The following FYB2 variants were observed in gnomAD, a reference collection of about 807,000 sequenced individuals.
FYB2 encodes the protein FYN-binding protein 2.
Under a neutral mutation model 94.1 loss-of-function variants are expected in FYB2, and 103 were observed. The observed-to-expected ratio is 1.09, with a 90% CI of 0.93 to 1.29. The LOEUF is 1.29. FYB2 is among the 50% of genes most tolerant of loss of function. FYB2 has a pLI of 0.00. For missense variants in FYB2, 896 were observed against 841.5 expected, an observed-to-expected ratio of 1.06 and a Z score of -0.80; for synonymous variants, 293 against 287.9, an observed-to-expected ratio of 1.02 and a Z score of -0.18.
In FYB2 at chr1:56,753,861, G is replaced by A; in HGVS notation, c.1205C>T (p.Pro402Leu). 1 of 1,609,372 alleles carries A rather than the reference G, an allele frequency of 6.2e-7. No homozygotes were observed. Among genetic ancestry groups the A allele is most frequent in the Non-Finnish European group, 8.5e-7 (1 of 1,176,288 alleles). ...ELKPKNTEKE[P>L]YSNHVFKVDA... ...TACCTTGAAAACATGGTTTGAATAT[G>A]GTTCCTTTTCTGTGTTTTTAGGTTT... Residue 402 changes from proline (P) to leucine (L), a missense_variant, in exon 8 of 20, where the codon CCA (proline) becomes CTA (leucine). By Grantham distance (98) the Pro-to-Leu change is moderately conservative. Coordinates refer to ENST00000343433, the MANE Select transcript of FYB2 (RefSeq NM_001004303.5).
chr1:56,744,411 C>A (rs1481411536), intron 9 of FYB2, 145 bp from the exon 10 acceptor site: 7 of 626,978 alleles, frequency 1.1e-5, no homozygotes, highest in Non-Finnish European at 2.0e-5. Flanking sequence ...TATGTATGAT[C>A]CTTGGGCAAG....
At chr1:56,720,470 A>C in intron 17 of FYB2, 141 bp from the exon 18 acceptor site, 1 of 666,310 alleles carries the variant, frequency 1.5e-6, no homozygotes, top group Non-Finnish European at 2.2e-6. Flanking sequence ...CAGGAAGAGA[A>C]AATAGGAAAG....
intron 4 of FYB2, among the ~76,000 whole-genome samples, chr1:56,772,636 G>A (rs557834505): frequency 2.0e-5 from 3 of 152,258 alleles, no homozygotes; most frequent in East Asian, 3.9e-4. Context: ...CACAGAATAT[G>A]AGACAGACCT....
chr1:56,787,030 C>G (rs1465641915), intron 4 of FYB2, 145 bp downstream of exon 4: 3 of 844,422 alleles, frequency 3.6e-6, no homozygotes, highest in Non-Finnish European at 5.8e-6. Flanking sequence ...ACAAAAGTTA[C>G]ACTTTGTTGC....
intron 1 of FYB2, among the ~76,000 whole-genome samples, chr1:56,815,323 GA>G (rs1372663592): frequency 6.6e-6 from 1 of 152,080 alleles, no homozygotes; most frequent in Admixed American, 6.6e-5. Context: ...AGCCCAGGAT[GA>G]ACCCCACCCC....
rs1644442988 is a variant in FYB2, at chr1:56,719,369, A to ACTT, written c.*299_*301dup. ...TAGGTGCCATAAGGCATGATTTCTA[A>ACTT]CTTTGGATATGGCTCATTAAATAAG... On this transcript the variant is annotated 3_prime_UTR_variant, in exon 20 of 20. Coordinates refer to ENST00000343433, the MANE Select transcript of FYB2 (RefSeq NM_001004303.5). 1 of 295,464 alleles carries ACTT rather than the reference A, an allele frequency of 3.4e-6. No individual in the cohort carries two copies. The highest frequency in any genetic ancestry group is 6.3e-6 in the Non-Finnish European group (1 of 159,186). The allele number at this position is 295,464 out of a possible 1,614,324, so 18.3% of individuals were successfully genotyped here.
intron 9 of FYB2, among the ~76,000 whole-genome samples, chr1:56,747,651 C>CT (rs1645100277): frequency 6.6e-6 from 1 of 151,940 alleles, no homozygotes; most frequent in African/African-American, 2.4e-5. Flanking sequence ...TTTATCCAGT[C>CT]TATCATTGAT....
intron 4 of FYB2, among the ~76,000 whole-genome samples, chr1:56,776,736 G>A (rs957719804): frequency 1.3e-5 from 2 of 152,240 alleles, no homozygotes; most frequent in Middle Eastern, 6.8e-3. Flanking sequence ...TAGGAGCCTG[G>A]TCTCCTGACT....
intron 4 of FYB2, among the ~76,000 whole-genome samples, chr1:56,782,725 AAG>A (rs1364837677): frequency 6.6e-6 from 1 of 152,116 alleles, no homozygotes; most frequent in Non-Finnish European, 1.5e-5. Flanking sequence ...TAAAAACTTC[AAG>A]AGAGAAAATG....
At chr1:56,778,219 C>T (rs1051291778) in intron 4 of FYB2, among the ~76,000 whole-genome samples, 4 of 152,168 alleles carry the variant, frequency 2.6e-5, no homozygotes, top group Non-Finnish European at 5.9e-5. Flanking sequence ...TTGGCAAGGC[C>T]CTTCTTCAGC....
chr1:56,742,131 C>T (rs1208677971), intron 12 of FYB2, 30 bp downstream of exon 12: 1 of 1,578,292 alleles, frequency 6.3e-7, no homozygotes, highest in Non-Finnish European at 8.7e-7. Flanking sequence ...AAGTCATTAG[C>T]CTACAAAGCC....
At chr1:56,818,196 A>G (rs910720567) in intron 1 of FYB2, among the ~76,000 whole-genome samples, 5 of 152,052 alleles carry the variant, frequency 3.3e-5, no homozygotes, top group Non-Finnish European at 5.9e-5. Context: ...GGTGGCGGGG[A>G]GAACTCAGAG....
intron 1 of FYB2, among the ~76,000 whole-genome samples, chr1:56,799,114 A>T (rs1050562450): frequency 5.9e-5 from 9 of 152,082 alleles, no homozygotes; most frequent in African/African-American, 1.9e-4. Flanking sequence ...CAATAACCCC[A>T]CCAATTAGGC....
At chr1:56,731,839 G>C (rs1644717729) in intron 15 of FYB2, 1 of 152,034 alleles carries the variant, frequency 6.6e-6, no homozygotes, top group South Asian at 2.1e-4. Context: ...TAGAAGAAAA[G>C]TACCTCAACA....
intron 7 of FYB2, among the ~76,000 whole-genome samples, chr1:56,754,841 G>T (rs1447210859): frequency 6.6e-6 from 1 of 152,008 alleles, no homozygotes; most frequent in African/African-American, 2.4e-5. Flanking sequence ...CTCAATAAAT[G>T]TTGAACTAAA....
intron 15 of FYB2, among the ~76,000 whole-genome samples, chr1:56,731,241 G>T (rs1240830702): frequency 6.6e-6 from 1 of 152,134 alleles, no homozygotes; most frequent in Non-Finnish European, 1.5e-5. Context: ...TCGCTGGCTT[G>T]GGGGCAGGCC....
intron 1 of FYB2, among the ~76,000 whole-genome samples, chr1:56,815,768 A>G (rs757713785): frequency 6.6e-6 from 1 of 152,222 alleles, no homozygotes; most frequent in South Asian, 2.1e-4. Flanking sequence ...AAACTTAAGT[A>G]TACTTCAACT....
chr1:56,798,638 T>G (rs1410367516), intron 1 of FYB2, among the ~76,000 whole-genome samples: 3 of 152,130 alleles, frequency 2.0e-5, no homozygotes, highest in Admixed American at 2.0e-4. Flanking sequence ...TACAGGAATC[T>G]AAGGAATAAT....
At chr1:56,745,749 G>T (rs1645053209) in intron 9 of FYB2, among the ~76,000 whole-genome samples, 1 of 151,862 alleles carries the variant, frequency 6.6e-6, no homozygotes, top group Non-Finnish European at 1.5e-5. Flanking sequence ...AGCTTTCAGT[G>T]GTTTTAAAAA....
Sources: allele counts gnomAD v4.1 joint callset (sites outside exome capture counted in the v4.1 genomes callset), GRCh38; gene constraint gnomAD v4.1.1; transcripts MANE v1.5; gene names NCBI Gene and HGNC (gene_info 2026-07-23, HGNC 2026-07-21).